TRAK2: variants seen among roughly 807,000 people sequenced by gnomAD.
TRAK2 encodes the protein trafficking kinesin protein 2, also known as trafficking kinesin-binding protein 2.
In TRAK2, 81 loss-of-function variants were observed where a neutral mutation model predicts 104.6. The observed-to-expected ratio is 0.77, with a 90% CI of 0.65 to 0.93. The LOEUF is 0.93. Ranked by LOEUF, TRAK2 falls within the 40% of genes least tolerant of loss-of-function variation. TRAK2 has a pLI of 0.00. For synonymous variants in TRAK2, 406 were observed against 394.4 expected, an observed-to-expected ratio of 1.03 and a Z score of -0.35; for missense variants, 1,002 against 1,089.0, an observed-to-expected ratio of 0.92 and a Z score of 1.12.
chr2:201,440,820 A>G (rs1951914966), intron 1 of TRAK2, among the ~76,000 whole-genome samples: 1 of 152,194 alleles, frequency 6.6e-6, no homozygotes, highest in Non-Finnish European at 1.5e-5. Context: ...ACACAAAAAA[A>G]TTTGCAACCT....
chr2:201,434,176 C>A (rs1431051714), intron 1 of TRAK2, among the ~76,000 whole-genome samples: 2 of 152,122 alleles, frequency 1.3e-5, no homozygotes, highest in Non-Finnish European at 2.9e-5. Flanking sequence ...CCAGGATGGT[C>A]TTGATCTCTT....
Position 201,418,715 on chromosome 2 carries a change from A to C in TRAK2, c.91+1702T>G, listed in dbSNP as rs573361890. Among the ~76,000 whole-genome samples the C allele has an allele frequency of 3.3e-5, 5 of 152,334 alleles. No homozygotes were observed. In the East Asian group the frequency reaches 9.6e-4, roughly 29 times the overall value. On this transcript the variant is annotated intron_variant, in intron 2 of 15. Coordinates refer to ENST00000332624, the MANE Select transcript of TRAK2 (RefSeq NM_015049.3). ...AGAAACAATGAAATATCCAATTGGAAAGCAAAAAACAAAAACTTGGACCCA... is the reference window on the plus strand; with the variant it reads ...AGAAACAATGAAATATCCAATTGGACAGCAAAAAACAAAAACTTGGACCCA...
chr2:201,395,491 G>C, intron 7 of TRAK2, 47 bp from the exon 8 acceptor site: 1 of 1,450,318 alleles, frequency 6.9e-7, no homozygotes, highest in South Asian at 1.7e-5. Flanking sequence ...ATGTAGAGAA[G>C]GAGTTGGCAA....
At position 201,395,422 on chromosome 2, in the gene TRAK2, G is replaced by A; in HGVS notation, c.792C>T (p.Ser264=). 2 of 1,560,870 alleles carry A rather than the reference G, an allele frequency of 1.3e-6. No homozygotes were observed. The highest frequency in any genetic ancestry group is 1.7e-6 in the Non-Finnish European group (2 of 1,144,122). The change falls in exon 8 of 16, where the codon TCC becomes TCT. Residue 264 remains serine (S), a synonymous_variant. Transcript: ENST00000332624. ...TCCCTGACAATTCTTCAGTCATTCT[G>A]GACATCTGAGCATTTGTTTCACCTT... ...KELRETNAQM[S]RMTEELSGKS...
At position 201,420,557 on chromosome 2, in the gene TRAK2, A is replaced by G. The variant is rs184617031; in HGVS notation, c.-50T>C. 1 of 1,440,924 alleles carries G rather than the reference A, an allele frequency of 6.9e-7. No individual in the cohort carries two copies. Among genetic ancestry groups the G allele is most frequent in the East Asian group, 2.3e-5 (1 of 43,992 alleles). 89.3% of individuals were successfully genotyped at this position (1,440,924 alleles called of 1,614,324 possible). A position where few individuals can be genotyped will look rare whatever the true frequency, so the allele number is the denominator to read the frequency against. ...GAGAAGGACAGCTTTGGTATGAATC[A>G]GAGTAAAGGAAATCCATCAAGCCAT... is the stretch of plus-strand genomic sequence containing the variant. On this transcript the variant is annotated 5_prime_UTR_variant, in exon 2 of 16. Coordinates refer to ENST00000332624, the MANE Select transcript of TRAK2 (RefSeq NM_015049.3).
chr2:201,410,971 C>A (rs73988779), intron 2 of TRAK2: 61,677 of 1,536,606 alleles, frequency 0.04, 4,178 homozygotes, highest in East Asian at 0.27. Flanking sequence ...TTTGTAGTAA[C>A]GGGCATGTTG....
intron 9 of TRAK2, among the ~76,000 whole-genome samples, chr2:201,393,724 C>T (rs1420089457): frequency 2.6e-5 from 4 of 152,110 alleles, no homozygotes; most frequent in Middle Eastern, 3.2e-3. Context: ...TGGAAATCGC[C>T]ATTTAAAACT....
At chr2:201,421,048 A>G (rs1951736621) in intron 1 of TRAK2, among the ~76,000 whole-genome samples, 1 of 152,228 alleles carries the variant, frequency 6.6e-6, no homozygotes, top group South Asian at 2.1e-4. Context: ...AATGCGTATC[A>G]AAAGTGGTTA....
At position 201,381,185 on chromosome 2, in the gene TRAK2, G is replaced by A. The variant is rs1356832535; in HGVS notation, c.2103C>T (p.Ser701=). Residue 701 remains serine, a synonymous_variant, in exon 16 of 16, where the codon AGC becomes AGT. Transcript: ENST00000332624. ...SGFPSLSCGS[S]GSSSSNTAVN... is the part of the protein sequence containing the mutation. ...CAGCCGTGTTGGATGAACTGCTACC[G>A]CTACTTCCACAGGATAATGAAGGGA... The A allele has an allele frequency of 5.6e-6, 9 of 1,612,492 alleles. No homozygotes were observed. Among genetic ancestry groups the A allele is most frequent in the Middle Eastern group, 1.7e-4 (1 of 6,038 alleles).
chr2:201,415,837 T>C (rs1034735825), intron 2 of TRAK2, among the ~76,000 whole-genome samples: 3 of 152,034 alleles, frequency 2.0e-5, no homozygotes, highest in Non-Finnish European at 4.4e-5. Flanking sequence ...ATTAATACAG[T>C]AAGTCTATAG....
chr2:201,398,463 A>C lies in TRAK2; in HGVS notation c.481-109T>G, dbSNP rs1030913377. The C allele has an allele frequency of 6.7e-6, 7 of 1,052,010 alleles. No homozygotes were observed. The African/African-American group carries it at 1.1e-4, about 17-fold the overall frequency. 65.2% of individuals were successfully genotyped at this position (1,052,010 alleles called of 1,614,324 possible). ...TTTTTCATCACAAAAGAAAATCACA[A>C]AATCAGCTGCTAGGTTTTACTGACT... On this transcript the variant is annotated intron_variant, in intron 5 of 15. Coordinates refer to ENST00000332624, the MANE Select transcript of TRAK2 (RefSeq NM_015049.3).
At chr2:201,432,194 T>C (rs1466308965) in intron 1 of TRAK2, among the ~76,000 whole-genome samples, 2 of 152,218 alleles carry the variant, frequency 1.3e-5, no homozygotes, top group Non-Finnish European at 2.9e-5. Flanking sequence ...TTCTGATGAG[T>C]GACGTTAGCT....
chr2:201,444,596 C>T (rs1446377718), intron 1 of TRAK2, among the ~76,000 whole-genome samples: 1 of 151,518 alleles, frequency 6.6e-6, no homozygotes, highest in Non-Finnish European at 1.5e-5. Flanking sequence ...TCTAACTCGG[C>T]ATCTAATTTG....
intron 3 of TRAK2, among the ~76,000 whole-genome samples, chr2:201,403,664 C>T (rs1024451331): frequency 6.6e-6 from 1 of 151,350 alleles, no homozygotes; most frequent in African/African-American, 2.4e-5. Flanking sequence ...TAGTGGTTAT[C>T]TCTGGGTAAG....
At chr2:201,408,327 A>T (rs183997752) in intron 2 of TRAK2, among the ~76,000 whole-genome samples, 50 of 152,242 alleles carry the variant, frequency 3.3e-4, no homozygotes, top group Middle Eastern at 3.4e-3. Context: ...TTTAATTTTT[A>T]AAAGTTTTTA....
At chr2:201,425,685 GC>G (rs1951781241) in intron 1 of TRAK2, among the ~76,000 whole-genome samples, 1 of 151,332 alleles carries the variant, frequency 6.6e-6, no homozygotes, top group African/African-American at 2.4e-5. Flanking sequence ...ACAGGCATGA[GC>G]CACCGTGCCC....
At chr2:201,441,328 T>C (rs1951918341) in intron 1 of TRAK2, among the ~76,000 whole-genome samples, 1 of 152,268 alleles carries the variant, frequency 6.6e-6, no homozygotes, top group African/African-American at 2.4e-5. Flanking sequence ...AACATTCATT[T>C]GGCTCATTGC....
rs899431624 is a variant in TRAK2, at chr2:201,407,508, G to C, written c.181C>G (p.Leu61Val). 1.2e-6 allele frequency: 2 copies of C among 1,614,010 alleles called. No homozygotes were observed. Among genetic ancestry groups the C allele is most frequent in the Non-Finnish European group, 1.7e-6 (2 of 1,180,000 alleles). ...LPQYRLKVDTLFLYENQDWTQ... is the reference protein window; with the variant it reads ...LPQYRLKVDTVFLYENQDWTQ... ...CAGTCTTGATTTTCATATAGAAAGA[G>C]AGTGTCTACTTTTAGCCTATACTGT... The change falls in exon 3 of 16, where the codon CTC becomes GTC. Residue 61 changes from leucine (L) to valine (V), a missense_variant. Coordinates refer to ENST00000332624, the MANE Select transcript of TRAK2 (RefSeq NM_015049.3).
At chr2:201,421,991 G>A (rs1396678620) in intron 1 of TRAK2, among the ~76,000 whole-genome samples, 1 of 147,518 alleles carries the variant, frequency 6.8e-6, no homozygotes, top group Non-Finnish European at 1.5e-5. Context: ...AGAGGTTGCA[G>A]TGAGCTGAGA....
Sources: gnomAD v4.1 joint callset for allele counts (sites outside exome capture counted in the v4.1 genomes callset) on GRCh38, gnomAD v4.1.1 for gene constraint, MANE v1.5 for transcripts, NCBI Gene and HGNC (gene_info 2026-07-23, HGNC 2026-07-21) for gene names.